The following SHANK2 variants were observed in gnomAD, a reference collection of about 807,000 sequenced individuals.
SHANK2 encodes the protein SH3 and multiple ankyrin repeat domains 2.
Under a neutral mutation model 133.7 loss-of-function variants are expected in SHANK2, and 43 were observed. The ratio of observed to expected loss-of-function variants is 0.32; its 90% CI spans 0.25 to 0.41. SHANK2 has a LOEUF of 0.41. Ranked by LOEUF, SHANK2 falls within the 10% of genes least tolerant of loss-of-function variation. The pLI, the probability that SHANK2 is intolerant of heterozygous loss-of-function variation, is 1.00. For synonymous variants in SHANK2, 1,017 were observed against 952.8 expected (o/e 1.07, Z -1.24); for missense variants, 1,994 against 2,235.8 (o/e 0.89, Z 2.18).
At chr11:71,236,504 C>A (rs1954827608) in intron 1 of SHANK2, among the ~76,000 whole-genome samples, 1 of 152,122 alleles carries the variant, frequency 6.6e-6, no homozygotes, top group Non-Finnish European at 1.5e-5. Context: ...CCCTGCTGCT[C>A]CAGAGACTGA....
At chr11:71,079,909 G>A (rs1951274803) in intron 8 of SHANK2, among the ~76,000 whole-genome samples, 2 of 99,764 alleles carry the variant, frequency 2.0e-5, no homozygotes, top group Non-Finnish European at 4.2e-5. Context: ...GGGGAGGGGA[G>A]GGGAAGGAAG....
At chr11:71,143,441 C>T (rs1429261444) in intron 3 of SHANK2, among the ~76,000 whole-genome samples, 2 of 152,212 alleles carry the variant, frequency 1.3e-5, no homozygotes, top group African/African-American at 4.8e-5. Context: ...CTGCCCGATG[C>T]GCGGGTTCCC....
At chr11:71,218,310 G>T (rs1446136444) in intron 2 of SHANK2, among the ~76,000 whole-genome samples, 1 of 120,020 alleles carries the variant, frequency 8.3e-6, no homozygotes, top group East Asian at 2.5e-4. Flanking sequence ...TCTTGCCCAC[G>T]CTGGAGTGCA....
At chr11:70,946,205 C>CTCTAACCAACCCTTCCCA (rs1950728753) in intron 10 of SHANK2, among the ~76,000 whole-genome samples, 8 of 139,754 alleles carry the variant, frequency 5.7e-5, no homozygotes, top group African/African-American at 1.1e-4. Flanking sequence ...CCTCCCTCTC[C>CTCTAACCAACCCTTCCCA]GCTAACCAAC....
At chr11:70,770,520 G>A (rs782515777) in intron 14 of SHANK2, among the ~76,000 whole-genome samples, 2 of 152,244 alleles carry the variant, frequency 1.3e-5, no homozygotes, top group African/African-American at 4.8e-5. Flanking sequence ...CCAATGAGCC[G>A]GGGTCACCAT....
rs555776618 is a variant in SHANK2 at position 70,793,114 on chromosome 11, G to A, written c.1777+5329C>T. ...AAGAAAAAAAGAATAATTTGGATTA[G>A]ATTCAAAATTTTAAAAACCCTTCTA... On this transcript the variant is annotated intron_variant, in intron 14 of 25. Coordinates refer to ENST00000601538, the MANE Select transcript of SHANK2 (RefSeq NM_012309.5). Among the ~76,000 whole-genome samples, 4 of 152,260 alleles carry A rather than the reference G, an allele frequency of 2.6e-5. No homozygotes were observed. The South Asian group carries it at 8.3e-4, about 32-fold the overall frequency.
rs1316084138 is a variant in SHANK2, at chr11:70,889,766, A to T, written c.1174+6735T>A. Among the ~76,000 whole-genome samples, 6 of 152,286 alleles carry T rather than the reference A, an allele frequency of 3.9e-5. No individual in the cohort carries two copies. The South Asian group carries it at 1.2e-3, about 32-fold the overall frequency. On this transcript the variant is annotated intron_variant, in intron 11 of 25. Transcript: ENST00000601538. ...AGAGGGTTAGGGCAGGCGAGTCAAG[A>T]TGACAGTCAGGACCAGGACCAGGAC...
chr11:70,488,205 G>T (rs575927084), intron 24 of SHANK2, among the ~76,000 whole-genome samples: 1 of 152,208 alleles, frequency 6.6e-6, no homozygotes, highest in Non-Finnish European at 1.5e-5. Flanking sequence ...GCTCCTGGGG[G>T]TGTTTTTAGG....
At chr11:70,810,128 G>C (rs1470595594) in intron 12 of SHANK2, among the ~76,000 whole-genome samples, 1 of 152,172 alleles carries the variant, frequency 6.6e-6, no homozygotes, top group African/African-American at 2.4e-5. Flanking sequence ...AGCTAGGTTT[G>C]GTGGCCTCCT....
At chr11:70,883,196 G>A (rs1325561826) in intron 11 of SHANK2, among the ~76,000 whole-genome samples, 9 of 152,132 alleles carry the variant, frequency 5.9e-5, no homozygotes, top group Admixed American at 2.0e-4. Flanking sequence ...CATTAGGATT[G>A]AGCACTGAGC....
At chr11:70,621,828 A>G (rs2060833002) in intron 17 of SHANK2, among the ~76,000 whole-genome samples, 1 of 152,196 alleles carries the variant, frequency 6.6e-6, no homozygotes, top group African/African-American at 2.4e-5. Flanking sequence ...CCAGAAAAGC[A>G]TGATTGAGGG....
chr11:71,183,358 C>T (rs1262195727), intron 2 of SHANK2, among the ~76,000 whole-genome samples: 1 of 152,170 alleles, frequency 6.6e-6, no homozygotes, highest in East Asian at 1.9e-4. Flanking sequence ...CAGAGAGGGG[C>T]TCCTATCAGG....
At chr11:71,115,933 A>AT (rs1951970826) in intron 4 of SHANK2, among the ~76,000 whole-genome samples, 2 of 152,094 alleles carry the variant, frequency 1.3e-5, no homozygotes, top group Middle Eastern at 6.8e-3. Flanking sequence ...CTCAATGACA[A>AT]TTTTTTTCCC....
At chr11:70,545,909 C>T (rs1217080001) in intron 17 of SHANK2, among the ~76,000 whole-genome samples, 1 of 152,098 alleles carries the variant, frequency 6.6e-6, no homozygotes, top group African/African-American at 2.4e-5. Context: ...TTTGCTAGAA[C>T]CATTCACAAT....
At chr11:70,906,306 A>T (rs1319118641) in intron 10 of SHANK2, among the ~76,000 whole-genome samples, 1 of 152,098 alleles carries the variant, frequency 6.6e-6, no homozygotes, top group Admixed American at 6.5e-5. Flanking sequence ...GTCGCCTTTG[A>T]GTGTGGCTCT....
chr11:70,680,943 T>C (rs1489250248), intron 15 of SHANK2, among the ~76,000 whole-genome samples: 1 of 152,166 alleles, frequency 6.6e-6, no homozygotes, highest in Non-Finnish European at 1.5e-5. Flanking sequence ...TCCCACACTC[T>C]TCCTAGTAAA....
In SHANK2 at chr11:70,516,804, C is replaced by A. The variant is rs2059271407; in HGVS notation, c.2062-13873G>T. 2.0e-5 allele frequency among the ~76,000 whole-genome samples: 3 copies of A among 152,192 alleles called. 1 individual carries two copies. The highest frequency in any genetic ancestry group is 4.1e-4 in the South Asian group (2 of 4,826). On this transcript the variant is annotated intron_variant, in intron 17 of 25. Transcript: ENST00000601538. ...AAAAATGGGGCTGGGCATGGTGGCT[C>A]ATGCTTGTAATCCCAGCACTTTGGG...
chr11:70,600,330 A>G (rs905621932), intron 17 of SHANK2, among the ~76,000 whole-genome samples: 21 of 150,690 alleles, frequency 1.4e-4, no homozygotes, highest in African/African-American at 5.1e-4. Context: ...GAGGCATGAG[A>G]ATTGCTTGAA....
At position 71,127,928 on chromosome 11, in the gene SHANK2, C is replaced by T. The variant is rs140811977; in HGVS notation, c.208-8896G>A. The stretch of plus-strand genomic sequence containing the variant: ...AGACCTTCCAGGCTGCATACAACCC[C>T]GCGCCCCAGCCTCTGGTGGACCAGC... On this transcript the variant is annotated intron_variant, in intron 3 of 25. Coordinates refer to ENST00000601538, the MANE Select transcript of SHANK2 (RefSeq NM_012309.5). Among the ~76,000 whole-genome samples, 123 of 152,326 alleles carry T rather than the reference C, an allele frequency of 8.1e-4. 1 individual carries two copies. The highest frequency in any genetic ancestry group is 3.4e-3 in the Middle Eastern group (1 of 294).
Sources: gnomAD v4.1 joint callset for allele counts (sites outside exome capture counted in the v4.1 genomes callset) on GRCh38, gnomAD v4.1.1 for gene constraint, MANE v1.5 for transcripts, NCBI Gene and HGNC (gene_info 2026-07-23, HGNC 2026-07-21) for gene names.